Variants in NDST3 observed in about 807,000 individuals in gnomAD.
NDST3 encodes N-deacetylase and N-sulfotransferase 3.
A neutral mutation model predicts 96.1 loss-of-function variants in NDST3; 58 were observed. The ratio of observed to expected loss-of-function variants is 0.60; its 90% CI spans 0.49 to 0.75. The LOEUF (loss-of-function observed/expected upper bound fraction) is 0.75. Among genes scored for constraint, NDST3 ranks in the 30% least tolerant of loss-of-function variants. The probability of loss-of-function intolerance (pLI) is 0.00; values close to 1 mark genes in which losing one functional copy is unlikely to be tolerated. For missense variants in NDST3, 788 were observed against 1,034.2 expected, an observed-to-expected ratio of 0.76 and a Z score of 3.27; for synonymous variants, 333 against 359.7, an observed-to-expected ratio of 0.93 and a Z score of 0.84.
At chr4:118,114,678 T>C (rs1730914779) in intron 3 of NDST3, 128 bp from the exon 4 acceptor site, 3 of 1,018,730 alleles carry the variant, frequency 2.9e-6, no homozygotes, top group Middle Eastern at 4.5e-4. Flanking sequence ...TTTAAAGCCT[T>C]ATACGTAAAA....
At chr4:118,081,487 T>C (rs1024272895) in intron 2 of NDST3, among the ~76,000 whole-genome samples, 1 of 152,172 alleles carries the variant, frequency 6.6e-6, no homozygotes, top group Non-Finnish European at 1.5e-5. Context: ...TAGTTTTACA[T>C]ACATAAATTT....
chr4:118,233,098 T>C lies in NDST3; in HGVS notation c.1906T>C (p.Phe636Leu). Residue 636 changes from phenylalanine to leucine, a missense_variant, in exon 9 of 14, where the codon TTC becomes CTC. Coordinates refer to ENST00000296499, the MANE Select transcript of NDST3 (RefSeq NM_004784.3). ...PSPKTFEEVQFFNRNNYHRGI... is the reference protein window; with the variant it reads ...PSPKTFEEVQLFNRNNYHRGI... ...CCCAAAAACCTTTGAGGAGGTACAG[T>C]TCTTTAATAGAAATAACTACCACAG... 1 of 1,612,946 alleles carries C rather than the reference T, an allele frequency of 6.2e-7. No individual in the cohort carries two copies. Among genetic ancestry groups the C allele is most frequent in the South Asian group, 1.1e-5 (1 of 91,046 alleles).
intron 4 of NDST3, among the ~76,000 whole-genome samples, chr4:118,126,297 A>G (rs1479309073): frequency 6.6e-6 from 1 of 151,802 alleles, no homozygotes; most frequent in East Asian, 1.9e-4. Flanking sequence ...TCTGGTAGCC[A>G]TCCTTCGACT....
intron 2 of NDST3, among the ~76,000 whole-genome samples, chr4:118,059,989 T>C (rs1200188299): frequency 6.6e-5 from 10 of 152,130 alleles, no homozygotes; most frequent in Non-Finnish European, 1.5e-5. Flanking sequence ...TTACTTCAAA[T>C]TTGCTAGATT....
At chr4:118,201,406 T>G (rs1384289042) in intron 6 of NDST3, among the ~76,000 whole-genome samples, 1 of 152,202 alleles carries the variant, frequency 6.6e-6, no homozygotes, top group African/African-American at 2.4e-5. Context: ...CCACTAACAA[T>G]GTATAAGTGT....
At chr4:118,142,502 T>G (rs1225640327) in intron 5 of NDST3, among the ~76,000 whole-genome samples, 2 of 152,058 alleles carry the variant, frequency 1.3e-5, no homozygotes, top group Non-Finnish European at 2.9e-5. Flanking sequence ...TCTACAGGGT[T>G]GCAAAACATG....
intron 12 of NDST3, among the ~76,000 whole-genome samples, chr4:118,244,010 T>C (rs1741159777): frequency 6.6e-6 from 1 of 152,176 alleles, no homozygotes; most frequent in Non-Finnish European, 1.5e-5. Flanking sequence ...GTGGGTGAAA[T>C]AGCAAGATAA....
rs563369200 is a variant in NDST3 at position 118,258,286 on chromosome 4, A to G, written c.*2574A>G. On this transcript the variant is annotated 3_prime_UTR_variant, in exon 14 of 14. Coordinates refer to ENST00000296499, the MANE Select transcript of NDST3 (RefSeq NM_004784.3). ...CCACTCAATGTGTCTTGAAGACAGC[A>G]TCAAATTCTAGAGGACATGCATACT... The G allele has an allele frequency of 6.6e-6, 1 of 152,362 alleles. No homozygotes were observed. Among genetic ancestry groups the G allele is most frequent in the South Asian group, 2.1e-4 (1 of 4,832 alleles). The allele number at this position is 152,362 out of a possible 1,614,324, so 9.4% of individuals were successfully genotyped here.
rs138189513 is a variant in NDST3 at position 118,235,522 on chromosome 4, C to A, written c.1944-1524C>A. Among the ~76,000 whole-genome samples the A allele has an allele frequency of 2.0e-5, 3 of 152,194 alleles. No homozygotes were observed. The East Asian group carries it at 5.8e-4, about 29-fold the overall frequency. ...GGAGGTTTTCAAAGCCTAAACTGTT[C>A]CAGATACAAAAGACTTCTAGGAAGG... On this transcript the variant is annotated intron_variant, in intron 9 of 13. Transcript: ENST00000296499.
chr4:118,242,254 C>A, intron 12 of NDST3, 105 bp downstream of exon 12: 1 of 658,210 alleles, frequency 1.5e-6, no homozygotes, highest in Non-Finnish European at 2.6e-6. Flanking sequence ...TCCTTATATA[C>A]TGGTTATTTT....
intron 12 of NDST3, among the ~76,000 whole-genome samples, chr4:118,242,637 C>T (rs1031358944): frequency 1.3e-5 from 2 of 152,138 alleles, no homozygotes; most frequent in South Asian, 2.1e-4. Flanking sequence ...CCTAAACAAA[C>T]GTCCTTTTTT....
chr4:118,122,429 G>A (rs1310549630), intron 4 of NDST3, among the ~76,000 whole-genome samples: 1 of 152,102 alleles, frequency 6.6e-6, no homozygotes, highest in African/African-American at 2.4e-5. Context: ...CCTTGGCTCC[G>A]CTTTGGCATT....
rs943027805 is a variant in NDST3 at position 118,256,892 on chromosome 4, G to A, written c.*1180G>A. On this transcript the variant is annotated 3_prime_UTR_variant, in exon 14 of 14. Transcript: ENST00000296499. ...GTTTGCAATGATACTTTTGATATAA[G>A]GCAAAGAAACATAAGCAGAGCAGAG... 3 of 152,012 alleles carry A rather than the reference G, an allele frequency of 2.0e-5. No individual in the cohort carries two copies. Among genetic ancestry groups the A allele is most frequent in the Non-Finnish European group, 4.4e-5 (3 of 67,990 alleles). 9.4% of individuals were successfully genotyped at this position (152,012 alleles called of 1,614,324 possible). A position where few individuals can be genotyped will look rare whatever the true frequency, so the allele number is the denominator to read the frequency against.
intron 3 of NDST3, among the ~76,000 whole-genome samples, chr4:118,109,036 T>C (rs1041935700): frequency 6.6e-6 from 1 of 152,222 alleles, no homozygotes; most frequent in South Asian, 2.1e-4. Context: ...GCAATAGATA[T>C]GTGAAGTGAG....
chr4:118,228,019 T>C (rs1192109741), intron 8 of NDST3, among the ~76,000 whole-genome samples: 3 of 152,114 alleles, frequency 2.0e-5, no homozygotes, highest in African/African-American at 4.8e-5. Context: ...TTGGGGCCCT[T>C]GGTTACTGGC....
chr4:118,231,417 AT>A (rs1740288271), intron 8 of NDST3, among the ~76,000 whole-genome samples: 1 of 150,116 alleles, frequency 6.7e-6, no homozygotes, highest in Non-Finnish European at 1.5e-5. Flanking sequence ...ATACTATACT[AT>A]CATCTTAATA....
intron 1 of NDST3, among the ~76,000 whole-genome samples, chr4:118,049,084 C>T (rs1293553886): frequency 2.0e-5 from 3 of 152,102 alleles, no homozygotes; most frequent in African/African-American, 7.2e-5. Flanking sequence ...CAAAACTACA[C>T]AATTATATGG....
intron 3 of NDST3, among the ~76,000 whole-genome samples, chr4:118,105,765 T>G (rs1450657309): frequency 2.6e-5 from 4 of 152,222 alleles, no homozygotes; most frequent in African/African-American, 9.6e-5. Context: ...GTTCATAACT[T>G]CCTGTTACGA....
intron 12 of NDST3, 23 bp from the exon 13 acceptor site, chr4:118,253,475 TG>T: frequency 6.8e-7 from 1 of 1,478,892 alleles, no homozygotes; most frequent in Non-Finnish European, 9.2e-7. Flanking sequence ...CTGGTTTTTC[TG>T]TGTGTATTCT....
Sources: gnomAD v4.1 joint callset for allele counts (sites outside exome capture counted in the v4.1 genomes callset) on GRCh38, gnomAD v4.1.1 for gene constraint, MANE v1.5 for transcripts, NCBI Gene and HGNC (gene_info 2026-07-23, HGNC 2026-07-21) for gene names.